HECTD4: variants seen among roughly 807,000 people sequenced by gnomAD.
HECTD4 encodes HECT domain E3 ubiquitin protein ligase 4, also known as probable E3 ubiquitin-protein ligase HECTD4.
A neutral mutation model predicts 471.5 loss-of-function variants in HECTD4; 114 were observed. The observed-to-expected ratio is 0.24, with a 90% CI of 0.21 to 0.28. The LOEUF is 0.28. Ranked by LOEUF, HECTD4 falls within the 10% of genes least tolerant of loss-of-function variation. The probability of loss-of-function intolerance (pLI) is 1.00; values close to 1 mark genes in which losing one functional copy is unlikely to be tolerated. For synonymous variants in HECTD4, 2,012 were observed against 2,256.0 expected, an observed-to-expected ratio of 0.89 and a Z score of 3.07; for missense variants, 3,866 against 5,651.5, an observed-to-expected ratio of 0.68 and a Z score of 10.13.
chr12:112,372,933 T>C (rs1383780116), intron 1 of HECTD4, among the ~76,000 whole-genome samples: 1 of 151,034 alleles, frequency 6.6e-6, no homozygotes, highest in African/African-American at 2.4e-5. Context: ...TTTATTGTAT[T>C]TGTTTGTAGG....
intron 2 of HECTD4, among the ~76,000 whole-genome samples, chr12:112,317,588 G>T (rs1463388847): frequency 1.3e-5 from 2 of 152,184 alleles, no homozygotes; most frequent in Admixed American, 1.3e-4. Context: ...TAGGCAATTA[G>T]TCTACTGGAA....
At chr12:112,234,867 G>C (rs2033463624) in intron 37 of HECTD4, among the ~76,000 whole-genome samples, 1 of 152,212 alleles carries the variant, frequency 6.6e-6, no homozygotes, top group Non-Finnish European at 1.5e-5. Context: ...TTCAGAGCTT[G>C]GGTTCTATGG....
intron 55 of HECTD4, among the ~76,000 whole-genome samples, chr12:112,197,102 G>T (rs1291565355): frequency 6.6e-6 from 1 of 151,998 alleles, no homozygotes; most frequent in Non-Finnish European, 1.5e-5. Flanking sequence ...AGCCAAGACA[G>T]GGTCTCTCTA....
At chr12:112,254,214 A>C in intron 21 of HECTD4, 52 bp from the exon 22 acceptor site, 1 of 1,593,296 alleles carries the variant, frequency 6.3e-7, no homozygotes, top group African/African-American at 1.3e-5. Context: ...CAAAAACAAC[A>C]TCTACAAATA....
At chr12:112,368,141 C>G (rs2036602560) in intron 1 of HECTD4, among the ~76,000 whole-genome samples, 1 of 152,168 alleles carries the variant, frequency 6.6e-6, no homozygotes, top group Admixed American at 6.6e-5. Context: ...AAAATTGCTA[C>G]ACACTGTGCT....
chr12:112,317,348 T>C (rs1350476002), intron 2 of HECTD4, among the ~76,000 whole-genome samples: 1 of 152,120 alleles, frequency 6.6e-6, no homozygotes. Context: ...CTGGTGCCAT[T>C]TTGCCTTAAA....
chr12:112,275,442 G>A (rs1566095746), intron 9 of HECTD4, among the ~76,000 whole-genome samples: 1 of 152,144 alleles, frequency 6.6e-6, no homozygotes, highest in Non-Finnish European at 1.5e-5. Context: ...CAGTATTAAA[G>A]AGCATGGACT....
intron 7 of HECTD4, among the ~76,000 whole-genome samples, chr12:112,292,741 G>A (rs764445590): frequency 1.3e-5 from 2 of 152,126 alleles, no homozygotes; most frequent in Admixed American, 6.5e-5. Flanking sequence ...AAAATCTTTC[G>A]GCCAGGTGCG....
At position 112,266,940 on chromosome 12, in the gene HECTD4, A is replaced by G; in HGVS notation, c.2364T>C (p.Asn788=). The change falls in exon 14 of 76, where the codon AAT becomes AAC. Residue 788 remains asparagine (N), a synonymous_variant. Transcript: ENST00000682272. ...NILYPGETEI[N]NLLKLVLTEG... Reference sequence around the variant, plus strand: ...CTGTTAAGACCAGTTTAAGTAAGTTATTGATTTCAGTTTCACCTGGGTACA... The same window carrying G: ...CTGTTAAGACCAGTTTAAGTAAGTTGTTGATTTCAGTTTCACCTGGGTACA... The G allele has an allele frequency of 6.5e-7, 1 of 1,534,736 alleles. No homozygotes were observed. Among genetic ancestry groups the G allele is most frequent in the Non-Finnish European group, 8.9e-7 (1 of 1,129,246 alleles).
chr12:112,234,969 T>C (rs2033465920), intron 37 of HECTD4, 108 bp downstream of exon 37: 2 of 908,240 alleles, frequency 2.2e-6, no homozygotes, highest in Non-Finnish European at 3.3e-6. Flanking sequence ...CTGAAAGGGG[T>C]GTAAAGAGGG....
chr12:112,220,341 GCACACACGCAGACCACACACAGGCA>G, intron 44 of HECTD4, among the ~76,000 whole-genome samples: 1 of 152,040 alleles, frequency 6.6e-6, no homozygotes, highest in African/African-American at 2.4e-5. Flanking sequence ...AATAAGATGC[GCACACACGCAGACCACACACAGGCA>G]CACACACACA....
intron 1 of HECTD4, among the ~76,000 whole-genome samples, chr12:112,360,585 T>G (rs1418466153): frequency 6.6e-6 from 1 of 152,150 alleles, no homozygotes; most frequent in Non-Finnish European, 1.5e-5. Context: ...AAATGTATCA[T>G]TAAGATGCAC....
chr12:112,168,010 T>C (rs1593887513), intron 70 of HECTD4, 93 bp from the exon 71 acceptor site: 1 of 1,016,656 alleles, frequency 9.8e-7, no homozygotes, highest in African/African-American at 1.6e-5. Context: ...GAGCGGCTAC[T>C]CCTTCCACGG....
At position 112,347,247 on chromosome 12, in the gene HECTD4, T is replaced by G. The variant is rs557490275; in HGVS notation, c.178-27505A>C. ...AGACTCAGCCAGGCATGGTGGCTCATGTCTGTAATCCCAGGACTTTCGGAG... is the reference window on the plus strand; with the variant it reads ...AGACTCAGCCAGGCATGGTGGCTCAGGTCTGTAATCCCAGGACTTTCGGAG... On this transcript the variant is annotated intron_variant, in intron 1 of 75. Transcript: ENST00000682272. 3.3e-5 allele frequency among the ~76,000 whole-genome samples: 5 copies of G among 152,270 alleles called. No individual in the cohort carries two copies. In the South Asian group the frequency reaches 1.0e-3, roughly 32 times the overall value.
At position 112,228,577 on chromosome 12, in the gene HECTD4, T is replaced by C; in HGVS notation, c.6684+70A>G. 3 of 1,341,522 alleles carry C rather than the reference T, an allele frequency of 2.2e-6. No homozygotes were observed. Among genetic ancestry groups the C allele is most frequent in the Non-Finnish European group, 3.1e-6 (3 of 976,910 alleles). The allele number at this position is 1,341,522 out of a possible 1,614,324, so 83.1% of individuals were successfully genotyped here. ...AGCATTTGTGCTTCTGCACTGAGCATGTGCATAGACTCATTACAGTACAGT... is the reference window on the plus strand; with the variant it reads ...AGCATTTGTGCTTCTGCACTGAGCACGTGCATAGACTCATTACAGTACAGT... On this transcript the variant is annotated intron_variant, in intron 42 of 75. Coordinates refer to ENST00000682272, the MANE Select transcript of HECTD4 (RefSeq NM_001388303.1). This position sits in a 1 kb window ranked among gnomAD's most constrained non-coding sequence, Gnocchi z 4.9.
chr12:112,311,848 C>T (rs957156631), intron 4 of HECTD4, among the ~76,000 whole-genome samples: 2 of 152,056 alleles, frequency 1.3e-5, no homozygotes, highest in South Asian at 2.1e-4. Context: ...AAGTTGGAGC[C>T]GATAATGTCT....
At chr12:112,180,556 A>C (rs948964295) in intron 62 of HECTD4, among the ~76,000 whole-genome samples, 1 of 151,810 alleles carries the variant, frequency 6.6e-6, no homozygotes, top group African/African-American at 2.4e-5. Context: ...AACAACAACA[A>C]AAAAAAGGAA....
At chr12:112,333,781 C>T (rs1018868432) in intron 1 of HECTD4, among the ~76,000 whole-genome samples, 1 of 152,196 alleles carries the variant, frequency 6.6e-6, no homozygotes, top group African/African-American at 2.4e-5. Context: ...AAAATTATCA[C>T]TAGAGGATGT....
At chr12:112,299,623 AAAACAAACAAAC>A (rs10699631) in intron 7 of HECTD4, among the ~76,000 whole-genome samples, 13,490 of 151,472 alleles carry the variant, frequency 0.089, 659 homozygotes, top group East Asian at 0.23. Flanking sequence ...TCTGTCTCAA[AAAACAAACAAAC>A]AAACAAACAA....
Sources: gnomAD v4.1 joint callset for allele counts (sites outside exome capture counted in the v4.1 genomes callset) on GRCh38, gnomAD v4.1.1 for gene constraint, Gnocchi (gnomAD v3.1) non-coding constraint, MANE v1.5 for transcripts, NCBI Gene and HGNC (gene_info 2026-07-23, HGNC 2026-07-21) for gene names.